ACTR6: variants seen among roughly 807,000 people sequenced by gnomAD.
The protein encoded by ACTR6 is actin related protein 6.
Under a neutral mutation model 52.5 loss-of-function variants are expected in ACTR6, and 50 were observed. The ratio of observed to expected loss-of-function variants is 0.95; its 90% CI spans 0.76 to 1.20. ACTR6 has a LOEUF of 1.20. Among genes scored for constraint, ACTR6 ranks in the 50% most tolerant of loss-of-function variants. The pLI is 0.00. For synonymous variants in ACTR6, 135 were observed against 147.2 expected (o/e 0.92, Z 0.60); for missense variants, 344 against 472.4 (o/e 0.73, Z 2.52).
At chr12:100,219,892 C>A in intron 9 of ACTR6, 116 bp from the exon 10 acceptor site, 4 of 1,009,324 alleles carry the variant, frequency 4.0e-6, no homozygotes, top group Admixed American at 2.7e-5. Context: ...GGTTTCCCAC[C>A]AGTAACTGTA....
chr12:100,202,229 CCATGACACAGCAAT>C (rs539576954), intron 1 of ACTR6, among the ~76,000 whole-genome samples: 71 of 152,216 alleles, frequency 4.7e-4, no homozygotes, highest in Non-Finnish European at 8.2e-4. Context: ...CCGCACCGGG[CCATGACACAGCAAT>C]TCTGTTATTA....
At chr12:100,202,728 G>A (rs1330453720) in intron 1 of ACTR6, among the ~76,000 whole-genome samples, 1 of 152,074 alleles carries the variant, frequency 6.6e-6, no homozygotes, top group Non-Finnish European at 1.5e-5. Flanking sequence ...GTAGTGGCAG[G>A]CGCCTGTAGT....
At chr12:100,201,120 G>T in intron 1 of ACTR6, 2 of 1,364,738 alleles carry the variant, frequency 1.5e-6, no homozygotes, top group Non-Finnish European at 1.9e-6. Flanking sequence ...GGGCTGCGAG[G>T]CCCCGGAAGT....
intron 10 of ACTR6, chr12:100,221,714 G>T (rs777377836): frequency 6.6e-6 from 1 of 151,950 alleles, no homozygotes; most frequent in Non-Finnish European, 1.5e-5. Context: ...GAGATGGCTT[G>T]AGTCCAGGAG....
intron 8 of ACTR6, among the ~76,000 whole-genome samples, chr12:100,213,087 TTTTG>T (rs1460826480): frequency 6.7e-6 from 1 of 150,350 alleles, no homozygotes; most frequent in East Asian, 2.0e-4. Flanking sequence ...CTTTTGTTTG[TTTTG>T]TTTTTTTGGT....
chr12:100,213,360 G>T (rs1288026290), intron 8 of ACTR6, among the ~76,000 whole-genome samples: 1 of 152,068 alleles, frequency 6.6e-6, no homozygotes, highest in Admixed American at 6.6e-5. Context: ...CTAGGTGTTG[G>T]GATTACAGGC....
At chr12:100,204,889 T>C (rs746457585) in intron 1 of ACTR6, 51 bp from the exon 2 acceptor site, 8 of 1,241,772 alleles carry the variant, frequency 6.4e-6, no homozygotes, top group Non-Finnish European at 9.4e-6. Context: ...AGTAAAAATG[T>C]TTTTAGGAAC....
chr12:100,202,762 C>T (rs1179184681), intron 1 of ACTR6, among the ~76,000 whole-genome samples: 2 of 150,762 alleles, frequency 1.3e-5, no homozygotes, highest in Admixed American at 6.7e-5. Context: ...GAGGCTGAGG[C>T]GGGAGAATGG....
At chr12:100,220,525 T>C (rs1171820535) in intron 10 of ACTR6, among the ~76,000 whole-genome samples, 1 of 152,224 alleles carries the variant, frequency 6.6e-6, no homozygotes, top group African/African-American at 2.4e-5. Flanking sequence ...AATTGAATAA[T>C]TGAACCATTG....
chr12:100,212,608 G>C, intron 8 of ACTR6, 80 bp downstream of exon 8: 1 of 1,005,064 alleles, frequency 9.9e-7, no homozygotes, highest in Non-Finnish European at 1.6e-6. Context: ...TAAGATGGGA[G>C]TTAAGAGACT....
chr12:100,224,073 G>T lies in ACTR6; in HGVS notation c.*158G>T. 1 of 713,390 alleles carries T rather than the reference G, an allele frequency of 1.4e-6. No homozygotes were observed. The highest frequency in any genetic ancestry group is 2.1e-6 in the Non-Finnish European group (1 of 468,812). 44.2% of individuals were successfully genotyped at this position (713,390 alleles called of 1,614,324 possible). A position where few individuals can be genotyped will look rare whatever the true frequency, so the allele number is the denominator to read the frequency against. On this transcript the variant is annotated 3_prime_UTR_variant, in exon 11 of 11. Coordinates refer to ENST00000188312, the MANE Select transcript of ACTR6 (RefSeq NM_022496.5). ...TAATTTTCAAAGGCTTCTTAGGTAG[G>T]TTACTACAGTAAACTGTAACTCAGT...
In ACTR6 at chr12:100,212,172, T is replaced by A. The variant is rs1288344217; in HGVS notation, c.573-84T>A. ...TTTCAAAAAATCAGTTACCTGAAAATTTAATTCCAGAAAAAAATTTCAGAT... is the reference window on the plus strand; with the variant it reads ...TTTCAAAAAATCAGTTACCTGAAAAATTAATTCCAGAAAAAAATTTCAGAT... On this transcript the variant is annotated intron_variant, in intron 6 of 10. Transcript: ENST00000188312. 3.0e-6 allele frequency: 3 copies of A among 1,006,292 alleles called. No homozygotes were observed. The African/African-American group carries it at 4.9e-5, about 17-fold the overall frequency. 62.3% of individuals were successfully genotyped at this position (1,006,292 alleles called of 1,614,324 possible). A position where few individuals can be genotyped will look rare whatever the true frequency, so the allele number is the denominator to read the frequency against.
At chr12:100,219,066 T>C (rs2153900974) in intron 9 of ACTR6, among the ~76,000 whole-genome samples, 1 of 151,140 alleles carries the variant, frequency 6.6e-6, no homozygotes, top group Non-Finnish European at 1.5e-5. Flanking sequence ...AAGTAAATAA[T>C]GTTCCAGAGT....
rs183525318 is a variant in ACTR6 at position 100,218,003 on chromosome 12, A to C, written c.751-412A>C. On this transcript the variant is annotated intron_variant, in intron 8 of 10. Transcript: ENST00000188312. The surrounding 1 kb of genome is among the most constrained non-coding windows in gnomAD (Gnocchi z 4.2). Reference sequence around the variant, plus strand: ...CTCCTCCTTTTTTTCTTTGTATTTTAATTTTTGTTTTGTTTTTTAAGAGAC... The same window carrying C: ...CTCCTCCTTTTTTTCTTTGTATTTTCATTTTTGTTTTGTTTTTTAAGAGAC... 2.4e-3 allele frequency among the ~76,000 whole-genome samples: 361 copies of C among 151,830 alleles called. No individual in the cohort carries two copies. Among genetic ancestry groups the C allele is most frequent in the African/African-American group, 7.9e-3 (329 of 41,408 alleles).
At chr12:100,211,145 G>A (rs1056175162) in intron 6 of ACTR6, among the ~76,000 whole-genome samples, 3 of 151,954 alleles carry the variant, frequency 2.0e-5, no homozygotes, top group South Asian at 2.1e-4. Context: ...TGCACTTCGC[G>A]CCCCTGAGCT....
chr12:100,205,157 T>A, intron 2 of ACTR6, 100 bp downstream of exon 2: 122 of 568,682 alleles, frequency 2.1e-4, no homozygotes, highest in Middle Eastern at 1.4e-3. Context: ...AAATTTTAAC[T>A]ACAACCTAAT....
intron 4 of ACTR6, among the ~76,000 whole-genome samples, chr12:100,208,391 T>C (rs2096116861): frequency 6.6e-6 from 1 of 152,008 alleles, no homozygotes; most frequent in South Asian, 2.1e-4. Flanking sequence ...TTCTCCTGCC[T>C]CAGCCTCCCA....
chr12:100,216,449 C>T (rs2153900733), intron 8 of ACTR6, among the ~76,000 whole-genome samples: 1 of 152,348 alleles, frequency 6.6e-6, no homozygotes, highest in East Asian at 1.9e-4. Flanking sequence ...TAGGCGTGAG[C>T]CAGTGTGCCC....
chr12:100,219,590 G>C (rs910609394), intron 9 of ACTR6, among the ~76,000 whole-genome samples: 5 of 152,132 alleles, frequency 3.3e-5, no homozygotes, highest in African/African-American at 1.2e-4. Flanking sequence ...CAAATGTCAT[G>C]AAAGACCTCG....
Sources: gnomAD v4.1 joint callset for allele counts (sites outside exome capture counted in the v4.1 genomes callset) on GRCh38, gnomAD v4.1.1 for gene constraint, Gnocchi (gnomAD v3.1) non-coding constraint, MANE v1.5 for transcripts, NCBI Gene and HGNC (gene_info 2026-07-23, HGNC 2026-07-21) for gene names.